The following GPR15LG variants were observed in gnomAD, a reference collection of about 807,000 sequenced individuals.
GPR15LG encodes the protein G protein-coupled receptor 15 ligand.
At chr10:84,179,141 C>T in the GPR15LG span, among the ~76,000 whole-genome samples, 4 of 152,222 alleles carry the variant, frequency 2.6e-5, no homozygotes, top group African/African-American at 9.6e-5. Context: ...TCAGCTCCAC[C>T]ACCCACTGGC....
the GPR15LG span, among the ~76,000 whole-genome samples, chr10:84,182,040 C>T: frequency 6.6e-6 from 1 of 152,200 alleles, no homozygotes; most frequent in Non-Finnish European, 1.5e-5. Flanking sequence ...AGCAAAATGG[C>T]TGAGCCCATA....
chr10:84,182,746 A>G, the GPR15LG span, among the ~76,000 whole-genome samples: 1 of 152,210 alleles, frequency 6.6e-6, no homozygotes, highest in Non-Finnish European at 1.5e-5. Flanking sequence ...TAGACTCCCT[A>G]TCATGATGGG....
the GPR15LG span, among the ~76,000 whole-genome samples, chr10:84,183,852 C>T: frequency 6.6e-6 from 1 of 151,942 alleles, no homozygotes. Flanking sequence ...CATCATGTTG[C>T]GCAGGCTGTT....
the GPR15LG span, among the ~76,000 whole-genome samples, chr10:84,182,545 A>G: frequency 4.6e-5 from 7 of 152,076 alleles, no homozygotes; most frequent in African/African-American, 7.2e-5. Context: ...CCTCTCCTCC[A>G]TGTGGTCTTT....
the GPR15LG span, among the ~76,000 whole-genome samples, chr10:84,178,420 C>A: frequency 6.6e-6 from 1 of 151,686 alleles, no homozygotes; most frequent in Non-Finnish European, 1.5e-5. Flanking sequence ...CAAACACATA[C>A]CACACAACTA....
chr10:84,174,848 T>C, the GPR15LG span, among the ~76,000 whole-genome samples: 1 of 152,204 alleles, frequency 6.6e-6, no homozygotes, highest in Non-Finnish European at 1.5e-5. Context: ...TCTAACCCTC[T>C]AGAAACTGCC....
At chr10:84,184,339 T>C in the GPR15LG span, among the ~76,000 whole-genome samples, 1 of 152,198 alleles carries the variant, frequency 6.6e-6, no homozygotes, top group East Asian at 1.9e-4. Context: ...CACACATCCA[T>C]GTGCAGACCC....
chr10:84,174,054 C>A, the GPR15LG span: 18 of 710,980 alleles, frequency 2.5e-5, no homozygotes, highest in Non-Finnish European at 4.2e-5. Flanking sequence ...GAAAGATGGG[C>A]TCTTTCTCCT....
the GPR15LG span, among the ~76,000 whole-genome samples, chr10:84,178,239 A>G: frequency 6.6e-6 from 1 of 151,746 alleles, no homozygotes; most frequent in Non-Finnish European, 1.5e-5. Flanking sequence ...CACTATACAT[A>G]CAAACACACG....
the GPR15LG span, among the ~76,000 whole-genome samples, chr10:84,176,037 C>A: frequency 6.6e-6 from 1 of 152,032 alleles, no homozygotes; most frequent in Non-Finnish European, 1.5e-5. Context: ...TACAGGCATG[C>A]ACCAACATGC....
chr10:84,176,847 ACATTTATGAGACCTGGCT>A, the GPR15LG span, among the ~76,000 whole-genome samples: 2 of 152,170 alleles, frequency 1.3e-5, no homozygotes, highest in African/African-American at 4.8e-5. Context: ...TGAGGAGGTG[ACATTTATGAGACCTGGCT>A]CATTTATGAG....
At chr10:84,184,817 G>A in the GPR15LG span, 1 of 1,609,162 alleles carries the variant, frequency 6.2e-7, no homozygotes, top group East Asian at 2.2e-5. Flanking sequence ...CCTGGCACCT[G>A]AGGTACCCAG....
At chr10:84,175,712 C>CAGAGA in the GPR15LG span, among the ~76,000 whole-genome samples, 1 of 152,136 alleles carries the variant, frequency 6.6e-6, no homozygotes, top group African/African-American at 2.4e-5. Context: ...CTCTAAGTTG[C>CAGAGA]CCAGGCTGGT....
the GPR15LG span, among the ~76,000 whole-genome samples, chr10:84,183,745 A>C: frequency 6.6e-6 from 1 of 152,062 alleles, no homozygotes; most frequent in South Asian, 2.1e-4. Flanking sequence ...TCCCAGGCTC[A>C]GGTGATCCTC....
the GPR15LG span, among the ~76,000 whole-genome samples, chr10:84,183,375 T>A: frequency 6.6e-6 from 1 of 152,236 alleles, no homozygotes; most frequent in Admixed American, 6.5e-5. Flanking sequence ...CCACATTTCA[T>A]ATAGTAATAA....
chr10:84,175,722 T>C, the GPR15LG span, among the ~76,000 whole-genome samples: 1 of 152,158 alleles, frequency 6.6e-6, no homozygotes, highest in Non-Finnish European at 1.5e-5. Flanking sequence ...CCCAGGCTGG[T>C]CTTGAACTTC....
chr10:84,180,010 A>G, the GPR15LG span, among the ~76,000 whole-genome samples: 1 of 152,006 alleles, frequency 6.6e-6, no homozygotes, highest in Non-Finnish European at 1.5e-5. Context: ...TGGTTTTCCT[A>G]GGCAGAGGGC....
the GPR15LG span, among the ~76,000 whole-genome samples, chr10:84,183,025 GAA>G: frequency 4.2e-5 from 6 of 142,666 alleles, no homozygotes; most frequent in African/African-American, 7.8e-5. Context: ...CTTACCAATA[GAA>G]AAAAAAAAAC....
the GPR15LG span, among the ~76,000 whole-genome samples, chr10:84,181,234 A>AATT: frequency 8.0e-6 from 1 of 125,568 alleles, no homozygotes; most frequent in South Asian, 2.3e-4. Flanking sequence ...TTTTTTAAAA[A>AATT]ATTAAATTTT....
Sources: gnomAD v4.1 joint callset for allele counts (sites outside exome capture counted in the v4.1 genomes callset) on GRCh38, gnomAD v4.1.1 for gene constraint, MANE v1.5 for transcripts, NCBI Gene and HGNC (gene_info 2026-07-23, HGNC 2026-07-21) for gene names.